TENM1: variants seen among roughly 807,000 people sequenced by gnomAD.
TENM1 encodes the protein teneurin transmembrane protein 1, also known as teneurin-1.
TENM1 carries 35 observed loss-of-function variants against 174.8 expected under a neutral mutation model. The observed-to-expected ratio is 0.20, with a 90% CI of 0.15 to 0.27. TENM1 has a LOEUF of 0.27. Ranked by LOEUF, TENM1 falls within the 10% of genes least tolerant of loss-of-function variation. TENM1 has a pLI of 1.00. For synonymous variants in TENM1, 781 were observed against 798.7 expected (o/e 0.98, Z 0.37); for missense variants, 1,633 against 2,130.1 (o/e 0.77, Z 4.59).
At chrX:124,977,483 T>C in the TENM1 span, among the ~76,000 whole-genome samples, 7 of 111,605 alleles carry the variant, frequency 6.3e-5, no homozygotes, top group Admixed American at 6.7e-4. Context: ...TTTTCATAAA[T>C]ACAATTCACC....
At chrX:124,597,146 A>G (rs1302842550) in intron 11 of TENM1, among the ~76,000 whole-genome samples, 2 of 111,636 alleles carry the variant, frequency 1.8e-5, no homozygotes, top group Admixed American at 9.5e-5. Flanking sequence ...TAGATCTACC[A>G]TTTGATCCAG....
At chrX:124,526,211 C>G (rs1466349489) in intron 16 of TENM1, among the ~76,000 whole-genome samples, 2 of 111,609 alleles carry the variant, frequency 1.8e-5, no homozygotes, top group Non-Finnish European at 3.8e-5. Context: ...GTGGGCAAAA[C>G]TGTTTCTGTG....
At chrX:125,003,865 G>C in the TENM1 span, among the ~76,000 whole-genome samples, 1 of 111,531 alleles carries the variant, frequency 9.0e-6, no homozygotes, top group African/African-American at 3.3e-5. Flanking sequence ...AGCATGCCTT[G>C]AGTGGGTCGG....
chrX:124,439,592 C>G (rs73546676), intron 23 of TENM1, among the ~76,000 whole-genome samples: 1,210 of 111,417 alleles, frequency 0.011, 20 homozygotes, highest in African/African-American at 0.038. Flanking sequence ...TGCTACAGCC[C>G]ATCACACTCA....
the TENM1 span, among the ~76,000 whole-genome samples, chrX:125,121,259 A>C: frequency 9.0e-6 from 1 of 111,333 alleles, no homozygotes; most frequent in Admixed American, 9.6e-5. Flanking sequence ...CAAGAAGCTC[A>C]GAAATGGGGT....
At chrX:125,200,654 T>TGAGAGAGAGAGAGA in the TENM1 span, among the ~76,000 whole-genome samples, 2 of 92,420 alleles carry the variant, frequency 2.2e-5, no homozygotes, top group South Asian at 5.3e-4. Flanking sequence ...TGTGTGTGTG[T>TGAGAGAGAGAGAGA]GAGAGAGAGA....
chrX:125,089,260 C>T, the TENM1 span, among the ~76,000 whole-genome samples: 1 of 111,578 alleles, frequency 9.0e-6, no homozygotes, highest in African/African-American at 3.3e-5. Flanking sequence ...TTGGTAAAAC[C>T]AATTATTTTG....
At chrX:125,133,785 A>AAAAT in the TENM1 span, among the ~76,000 whole-genome samples, 2 of 111,729 alleles carry the variant, frequency 1.8e-5, no homozygotes, top group Non-Finnish European at 3.8e-5. Flanking sequence ...TTGCTCCAGA[A>AAAAT]AAATAAATAA....
intron 3 of TENM1, among the ~76,000 whole-genome samples, chrX:124,800,352 T>C (rs2055413846): frequency 8.9e-6 from 1 of 111,798 alleles, no homozygotes. Context: ...TGTTCAGGAA[T>C]TTATTCATTT....
At chrX:125,045,018 C>T in the TENM1 span, among the ~76,000 whole-genome samples, 1 of 111,621 alleles carries the variant, frequency 9.0e-6, no homozygotes, top group East Asian at 2.8e-4. Flanking sequence ...GTATGACTCA[C>T]AGTTCCACAT....
intron 17 of TENM1, among the ~76,000 whole-genome samples, chrX:124,521,758 T>C (rs757888226): frequency 8.9e-6 from 1 of 112,442 alleles, no homozygotes; most frequent in South Asian, 3.7e-4. Flanking sequence ...CAGAACCTTG[T>C]TCTCTCTTAC....
chrX:124,807,968 A>G (rs2055658265), intron 3 of TENM1, among the ~76,000 whole-genome samples: 1 of 110,716 alleles, frequency 9.0e-6, no homozygotes, highest in East Asian at 2.8e-4. Flanking sequence ...AAAACAATTA[A>G]CAAAATGGCA....
the TENM1 span, among the ~76,000 whole-genome samples, chrX:125,038,386 G>A: frequency 9.1e-6 from 1 of 110,052 alleles, no homozygotes; most frequent in Non-Finnish European, 1.9e-5. Flanking sequence ...TGAAAAATAG[G>A]AATAATAATA....
chrX:124,501,392 G>A (rs913289126), intron 19 of TENM1, among the ~76,000 whole-genome samples: 3 of 111,668 alleles, frequency 2.7e-5, no homozygotes, highest in Non-Finnish European at 5.7e-5. Flanking sequence ...TATAATTGCA[G>A]CAATGGAAAT....
chrX:125,055,928 C>T, the TENM1 span, among the ~76,000 whole-genome samples: 3 of 111,644 alleles, frequency 2.7e-5, no homozygotes, highest in Non-Finnish European at 5.6e-5. Context: ...CATTAGCGTC[C>T]TCCTATCTAC....
chrX:124,587,915 T>C (rs2049589252), intron 11 of TENM1, among the ~76,000 whole-genome samples: 1 of 112,105 alleles, frequency 8.9e-6, no homozygotes, highest in Non-Finnish European at 1.9e-5. Flanking sequence ...AAGACATTTA[T>C]GCAGCCAAAA....
chrX:124,978,042 T>C, the TENM1 span, among the ~76,000 whole-genome samples: 1 of 106,681 alleles, frequency 9.4e-6, no homozygotes, highest in Non-Finnish European at 1.9e-5. Flanking sequence ...CTCTCTGTTT[T>C]TCAGATTGGA....
chrX:125,005,061 T>C, the TENM1 span, among the ~76,000 whole-genome samples: 1 of 110,537 alleles, frequency 9.0e-6, no homozygotes, highest in African/African-American at 3.3e-5. Flanking sequence ...CTCCTGCCTC[T>C]TGACCTTATC....
At chrX:124,646,728 A>T in exon 9 of TENM1, 1 of 1,202,236 alleles carries the variant, frequency 8.3e-7, no homozygotes, top group Non-Finnish European at 1.1e-6. Context: ...AGTCAGGTCC[A>T]AGGAATCCTG....
Sources: allele counts gnomAD v4.1 joint callset (sites outside exome capture counted in the v4.1 genomes callset), GRCh38; gene constraint gnomAD v4.1.1; transcripts MANE v1.5; gene names NCBI Gene and HGNC (gene_info 2026-07-23, HGNC 2026-07-21).